DGKB: variants seen among roughly 807,000 people sequenced by gnomAD.
DGKB encodes the protein diacylglycerol kinase beta.
DGKB carries 67 observed loss-of-function variants against 114.3 expected under a neutral mutation model. The observed-to-expected ratio is 0.59, with a 90% CI of 0.48 to 0.72. DGKB has a LOEUF of 0.72. DGKB is among the 30% of genes least tolerant of loss of function. The probability of loss-of-function intolerance (pLI) is 0.00; values close to 1 mark genes in which losing one functional copy is unlikely to be tolerated. For missense variants in DGKB, 907 were observed against 975.2 expected, an observed-to-expected ratio of 0.93 and a Z score of 0.93; for synonymous variants, 398 against 323.1, an observed-to-expected ratio of 1.23 and a Z score of -2.49.
At chr7:14,826,076 G>T (rs1845671693) in intron 2 of DGKB, among the ~76,000 whole-genome samples, 1 of 152,092 alleles carries the variant, frequency 6.6e-6, no homozygotes, top group African/African-American at 2.4e-5. Context: ...TCGCTCTGGG[G>T]CTTGCACGAA....
intron 2 of DGKB, among the ~76,000 whole-genome samples, chr7:14,818,374 A>T (rs969669496): frequency 6.6e-6 from 1 of 152,178 alleles, no homozygotes; most frequent in Non-Finnish European, 1.5e-5. Flanking sequence ...TAGAATCTTG[A>T]ACCAGCAGGC....
At chr7:14,765,902 A>G (rs2128462021) in intron 2 of DGKB, among the ~76,000 whole-genome samples, 1 of 152,038 alleles carries the variant, frequency 6.6e-6, no homozygotes, top group Middle Eastern at 3.4e-3. Context: ...TGCCTACTGT[A>G]GTGTTTGCCA....
At chr7:14,255,288 GT>G (rs1455182183) in intron 23 of DGKB, among the ~76,000 whole-genome samples, 1 of 152,092 alleles carries the variant, frequency 6.6e-6, no homozygotes, top group Non-Finnish European at 1.5e-5. Flanking sequence ...AGTTAGAGGT[GT>G]TTTAGTGATT....
intron 21 of DGKB, among the ~76,000 whole-genome samples, chr7:14,464,955 G>C (rs1043840702): frequency 1.3e-5 from 2 of 152,154 alleles, no homozygotes; most frequent in East Asian, 1.9e-4. Flanking sequence ...TTGCCTTTAA[G>C]GGTGGCTAGG....
chr7:14,583,001 T>A (rs1800176735), intron 18 of DGKB, 51 bp downstream of exon 18: 4 of 1,165,402 alleles, frequency 3.4e-6, no homozygotes, highest in Non-Finnish European at 5.2e-6. Flanking sequence ...TGAAACAGGA[T>A]TTAAAGCTAT....
At chr7:14,360,887 TAGA>T (rs1348122835) in intron 21 of DGKB, among the ~76,000 whole-genome samples, 1 of 152,140 alleles carries the variant, frequency 6.6e-6, no homozygotes, top group Non-Finnish European at 1.5e-5. Context: ...TTCAGTGGTA[TAGA>T]AGAATTTTAA....
At chr7:14,438,164 G>C (rs764047160) in intron 21 of DGKB, among the ~76,000 whole-genome samples, 12 of 151,986 alleles carry the variant, frequency 7.9e-5, no homozygotes, top group African/African-American at 1.2e-4. Flanking sequence ...ATTCAAACTT[G>C]ACAGATTTCT....
rs1015427471 is a variant in DGKB at position 14,890,404 on chromosome 7, A to G, written c.-188+12188T>C. Among the ~76,000 whole-genome samples the G allele has an allele frequency of 4.0e-5, 6 of 151,556 alleles. No individual in the cohort carries two copies. The East Asian group carries it at 1.2e-3, about 29-fold the overall frequency. On this transcript the variant is annotated intron_variant, in intron 1 of 25. Transcript: ENST00000402815. Reference sequence around the variant, plus strand: ...CATTTGAAGCTACAGTTTGCTATAAATCATGCTTTTCCTCTAACATGCCTT... The same window carrying G: ...CATTTGAAGCTACAGTTTGCTATAAGTCATGCTTTTCCTCTAACATGCCTT...
At chr7:14,609,284 A>G (rs1322432499) in intron 16 of DGKB, among the ~76,000 whole-genome samples, 1 of 152,100 alleles carries the variant, frequency 6.6e-6, no homozygotes, top group Non-Finnish European at 1.5e-5. Context: ...AATACAAAAC[A>G]ATAGCGAAAG....
chr7:14,484,718 C>A (rs923347706), intron 20 of DGKB, among the ~76,000 whole-genome samples: 1 of 152,122 alleles, frequency 6.6e-6, no homozygotes, highest in African/African-American at 2.4e-5. Context: ...GCCTAACACA[C>A]CCCAGATAGC....
intron 2 of DGKB, among the ~76,000 whole-genome samples, chr7:14,810,819 G>T (rs1843338899): frequency 6.6e-6 from 1 of 152,150 alleles, no homozygotes; most frequent in Admixed American, 6.6e-5. Context: ...ATGTTGGCCA[G>T]GCTGATTTCG....
chr7:14,738,086 C>G (rs1586116976), intron 4 of DGKB, among the ~76,000 whole-genome samples: 4 of 152,180 alleles, frequency 2.6e-5, no homozygotes, highest in African/African-American at 9.7e-5. Context: ...ACATGGGATC[C>G]AAATAGTTTC....
At chr7:14,311,711 C>A (rs921859109) in intron 23 of DGKB, among the ~76,000 whole-genome samples, 2 of 152,202 alleles carry the variant, frequency 1.3e-5, no homozygotes, top group African/African-American at 4.8e-5. Context: ...AAGTCATGAG[C>A]CTCCATGCCT....
chr7:14,442,189 A>G (rs1215093857), intron 21 of DGKB, among the ~76,000 whole-genome samples: 3 of 152,026 alleles, frequency 2.0e-5, no homozygotes, highest in Non-Finnish European at 4.4e-5. Context: ...ATTCTTAATT[A>G]CTGACTGAAT....
intron 1 of DGKB, among the ~76,000 whole-genome samples, chr7:14,866,380 A>G (rs571294159): frequency 3.3e-5 from 5 of 152,282 alleles, no homozygotes; most frequent in African/African-American, 9.6e-5. Flanking sequence ...TGCCTTAAAA[A>G]TGCTTATTGT....
intron 1 of DGKB, among the ~76,000 whole-genome samples, chr7:14,932,761 A>T (rs971348434): frequency 1.3e-4 from 20 of 152,196 alleles, no homozygotes; most frequent in African/African-American, 4.8e-4. Context: ...CCAAAGTATC[A>T]TAAGGGTCAC....
At chr7:14,191,959 T>G in intron 23 of DGKB, 1 of 657,022 alleles carries the variant, frequency 1.5e-6, no homozygotes, top group Non-Finnish European at 2.5e-6. Context: ...AGTCTGGTGA[T>G]GCTACCATTG....
chr7:14,149,097 C>T lies in DGKB; in HGVS notation c.*34G>A, dbSNP rs368137979. 1.5e-5 allele frequency: 23 copies of T among 1,565,128 alleles called. No homozygotes were observed. The highest frequency in any genetic ancestry group is 2.0e-5 in the Non-Finnish European group (23 of 1,135,772). Reference sequence around the variant, plus strand: ...ATATGTGTTCCATGGCCCAATTATGCTAATTCAATTTCTAAGAGTGAAACA... The same window carrying T: ...ATATGTGTTCCATGGCCCAATTATGTTAATTCAATTTCTAAGAGTGAAACA... On this transcript the variant is annotated 3_prime_UTR_variant, in exon 26 of 26. Coordinates refer to ENST00000402815, the MANE Select transcript of DGKB (RefSeq NM_001350709.2).
At chr7:14,167,397 C>A (rs561184383) in intron 25 of DGKB, among the ~76,000 whole-genome samples, 2 of 151,822 alleles carry the variant, frequency 1.3e-5, no homozygotes, top group Admixed American at 1.3e-4. Context: ...ATCACAGAAC[C>A]CTGGAGGCAG....
Sources: allele counts gnomAD v4.1 joint callset (sites outside exome capture counted in the v4.1 genomes callset), GRCh38; gene constraint gnomAD v4.1.1; transcripts MANE v1.5; gene names NCBI Gene and HGNC (gene_info 2026-07-23, HGNC 2026-07-21).